The following AASDH variants were observed in gnomAD, a reference collection of about 807,000 sequenced individuals.
The protein encoded by AASDH is beta-alanine-activating enzyme.
In AASDH, 81 loss-of-function variants were observed where a neutral mutation model predicts 102.3. That is an observed-to-expected ratio of 0.79 (90% confidence interval 0.66 to 0.95). The LOEUF (loss-of-function observed/expected upper bound fraction) is 0.95. Ranked by LOEUF, AASDH falls within the 40% of genes least tolerant of loss-of-function variation. The pLI is 0.00. For synonymous variants in AASDH, 398 were observed against 454.0 expected (o/e 0.88, Z 1.57); for missense variants, 1,203 against 1,266.2 (o/e 0.95, Z 0.76).
At chr4:56,376,050 G>A (rs1752308415) in intron 4 of AASDH, among the ~76,000 whole-genome samples, 1 of 123,762 alleles carries the variant, frequency 8.1e-6, no homozygotes, top group African/African-American at 3.1e-5. Flanking sequence ...TTAAGATTGA[G>A]TCTCGCTCTG....
At position 56,349,601 on chromosome 4, in the gene AASDH, T is replaced by C. The variant is rs780136421; in HGVS notation, c.2150A>G (p.Gln717Arg). 2.5e-6 allele frequency: 4 copies of C among 1,614,232 alleles called. No homozygotes were observed. The South Asian group carries it at 4.4e-5, about 18-fold the overall frequency. Residue 717 changes from glutamine (Q) to arginine (R), a missense_variant, in exon 11 of 15, where the codon CAA (glutamine) becomes CGA (arginine). Transcript: ENST00000205214. The stretch of plus-strand genomic sequence containing the variant: ...TGGAGAATTTAAGCCTTTCAAATTT[T>C]GAATGTTGGTCTGTGAAACTGAGTC... The part of the protein sequence containing the change: ...PSDSVSQTNI[Q>R]NLKGLNSPVL...
intron 5 of AASDH, among the ~76,000 whole-genome samples, chr4:56,369,274 T>C (rs1353253833): frequency 6.6e-6 from 1 of 152,200 alleles, no homozygotes; most frequent in Admixed American, 6.5e-5. Context: ...TGACCTGACA[T>C]AGAAGGAAAG....
intron 5 of AASDH, among the ~76,000 whole-genome samples, chr4:56,370,434 A>G (rs890252091): frequency 6.6e-6 from 1 of 152,164 alleles, no homozygotes; most frequent in East Asian, 1.9e-4. Context: ...AAAAGAAAAG[A>G]AAAGAAATTC....
intron 3 of AASDH, chr4:56,381,804 A>G (rs1311869974): frequency 6.6e-6 from 1 of 152,176 alleles, no homozygotes. Flanking sequence ...TAGTAAAACA[A>G]TATTTTATAA....
chr4:56,354,250 G>T, intron 7 of AASDH, 39 bp from the exon 8 acceptor site: 1 of 1,471,334 alleles, frequency 6.8e-7, no homozygotes. Flanking sequence ...AAAAATCCAA[G>T]GGAAATATAT....
chr4:56,358,824 C>T (rs1749932483), intron 5 of AASDH, among the ~76,000 whole-genome samples: 1 of 152,062 alleles, frequency 6.6e-6, no homozygotes, highest in African/African-American at 2.4e-5. Flanking sequence ...CCATATATGG[C>T]ATTTGGTTGA....
At position 56,381,559 on chromosome 4, in the gene AASDH, T is replaced by C. The variant is rs1752945869; in HGVS notation, c.351+918A>G. On this transcript the variant is annotated intron_variant, in intron 3 of 14. Transcript: ENST00000205214. ...CACCACTGCCCATTGCACTTCAGCC[T>C]GGGTAACAGAGTGAGACTCTGGCTC... is the stretch of plus-strand genomic sequence containing the variant. 3.3e-5 allele frequency among the ~76,000 whole-genome samples: 5 copies of C among 149,830 alleles called. No homozygotes were observed. In the South Asian group the frequency reaches 1.1e-3, roughly 32 times the overall value.
chr4:56,386,989 A>G (rs1360397098), intron 1 of AASDH, among the ~76,000 whole-genome samples: 1 of 152,106 alleles, frequency 6.6e-6, no homozygotes, highest in Admixed American at 6.5e-5. Context: ...TTAAAAATGG[A>G]TAAATAATCT....
chr4:56,346,286 C>CT (rs1221265322), intron 11 of AASDH, among the ~76,000 whole-genome samples: 2 of 151,946 alleles, frequency 1.3e-5, no homozygotes, highest in East Asian at 1.9e-4. Context: ...ACTTTTTATG[C>CT]TTTTTTTTCC....
intron 5 of AASDH, among the ~76,000 whole-genome samples, chr4:56,363,519 C>A (rs918645329): frequency 7.2e-5 from 11 of 152,300 alleles, no homozygotes; most frequent in African/African-American, 2.4e-4. Flanking sequence ...TCCTCTGAGA[C>A]AAAACTTCCA....
chr4:56,356,816 G>C, intron 5 of AASDH: 1 of 773,492 alleles, frequency 1.3e-6, no homozygotes, highest in South Asian at 1.3e-5. Context: ...TACAATGACA[G>C]ATACGATGAG....
chr4:56,379,675 T>C (rs770894904), intron 3 of AASDH, among the ~76,000 whole-genome samples: 1 of 152,202 alleles, frequency 6.6e-6, no homozygotes. Context: ...AGGCTTGAAA[T>C]GTTAATGGGA....
intron 12 of AASDH, among the ~76,000 whole-genome samples, chr4:56,344,014 GCTCA>G (rs949966182): frequency 6.6e-5 from 10 of 151,998 alleles, no homozygotes; most frequent in South Asian, 2.1e-4. Context: ...ATCATATTTT[GCTCA>G]CTGATTTTGT....
chr4:56,360,618 G>GT (rs908402510), intron 5 of AASDH, among the ~76,000 whole-genome samples: 41 of 151,174 alleles, frequency 2.7e-4, no homozygotes, highest in Middle Eastern at 6.8e-3. Context: ...TGAAATGATT[G>GT]TTTTTTTTTC....
intron 3 of AASDH, chr4:56,382,262 G>A: frequency 2.3e-6 from 1 of 429,572 alleles, no homozygotes; most frequent in Non-Finnish European, 4.1e-6. Context: ...TGCTACTGAG[G>A]TCTAGCGAGT....
chr4:56,372,522 T>G (rs1440387836), intron 4 of AASDH, among the ~76,000 whole-genome samples: 2 of 152,214 alleles, frequency 1.3e-5, no homozygotes, highest in African/African-American at 2.4e-5. Flanking sequence ...ACAGCATGGA[T>G]AGTCATTGTG....
At chr4:56,356,497 C>A (rs1749656254) in intron 5 of AASDH, 4 of 1,329,952 alleles carry the variant, frequency 3.0e-6, no homozygotes, top group East Asian at 2.3e-5. Context: ...GAGAAGAAAG[C>A]TGCTGGCAAA....
chr4:56,367,740 T>G (rs1277166459), intron 5 of AASDH, among the ~76,000 whole-genome samples: 1 of 149,964 alleles, frequency 6.7e-6, no homozygotes, highest in Non-Finnish European at 1.5e-5. Context: ...AAGACTTACA[T>G]GTTAGACCTA....
At chr4:56,338,900 A>G (rs931447806) in intron 14 of AASDH, 109 bp from the exon 15 acceptor site, 8 of 1,094,762 alleles carry the variant, frequency 7.3e-6, no homozygotes, top group Non-Finnish European at 1.0e-5. Flanking sequence ...AGGCTATTTG[A>G]ATGGTAACTA....
Sources: allele counts gnomAD v4.1 joint callset (sites outside exome capture counted in the v4.1 genomes callset), GRCh38; gene constraint gnomAD v4.1.1; transcripts MANE v1.5; gene names NCBI Gene and HGNC (gene_info 2026-07-23, HGNC 2026-07-21).